Variants in HECW2 observed in about 807,000 individuals in gnomAD.
HECW2 encodes the protein HECT, C2 and WW domain containing E3 ubiquitin protein ligase 2.
HECW2 carries 61 observed loss-of-function variants against 175.2 expected under a neutral mutation model. The observed-to-expected ratio is 0.35, with a 90% CI of 0.28 to 0.43. HECW2 has a LOEUF of 0.43. HECW2 is among the 20% of genes least tolerant of loss of function. The probability of loss-of-function intolerance (pLI) is 1.00; values close to 1 mark genes in which losing one functional copy is unlikely to be tolerated. For missense variants in HECW2, 1,524 were observed against 2,000.5 expected, an observed-to-expected ratio of 0.76 and a Z score of 4.54; for synonymous variants, 671 against 731.0, an observed-to-expected ratio of 0.92 and a Z score of 1.32.
intron 1 of HECW2, among the ~76,000 whole-genome samples, chr2:196,495,219 C>T (rs1414473289): frequency 4.6e-5 from 7 of 152,066 alleles, no homozygotes; most frequent in Non-Finnish European, 4.4e-5. Flanking sequence ...AAGCGTACGC[C>T]ACCACGCCCA....
intron 1 of HECW2, among the ~76,000 whole-genome samples, chr2:196,463,357 C>T (rs1355045584): frequency 4.7e-5 from 7 of 148,752 alleles, no homozygotes; most frequent in South Asian, 2.1e-4. Context: ...AATGTAGATT[C>T]GTCACGCAAG....
At chr2:196,462,600 A>T (rs1260457859) in intron 1 of HECW2, among the ~76,000 whole-genome samples, 1 of 152,190 alleles carries the variant, frequency 6.6e-6, no homozygotes, top group Non-Finnish European at 1.5e-5. Flanking sequence ...CTTTAAGCCC[A>T]CTTATTTACA....
At chr2:196,384,822 T>A (rs564853266) in intron 2 of HECW2, among the ~76,000 whole-genome samples, 1 of 152,344 alleles carries the variant, frequency 6.6e-6, no homozygotes, top group South Asian at 2.1e-4. Context: ...TCCTAAATAC[T>A]TTTATTTAAT....
chr2:196,280,431 G>C (rs1690142871), intron 14 of HECW2, among the ~76,000 whole-genome samples: 1 of 152,126 alleles, frequency 6.6e-6, no homozygotes, highest in African/African-American at 2.4e-5. Context: ...AATGGGGCAG[G>C]TCCCATATAG....
intron 3 of HECW2, among the ~76,000 whole-genome samples, chr2:196,335,217 AT>A (rs1026484115): frequency 2.8e-4 from 42 of 152,260 alleles, no homozygotes; most frequent in Admixed American, 3.3e-4. Flanking sequence ...CATTTCATAC[AT>A]TTTTTTCTGA....
chr2:196,516,395 T>C (rs530713358), intron 1 of HECW2, among the ~76,000 whole-genome samples: 15 of 128,212 alleles, frequency 1.2e-4, no homozygotes, highest in Admixed American at 9.9e-4. Flanking sequence ...TTATATTAAC[T>C]GCCTACACAC....
At position 196,220,929 on chromosome 2, in the gene HECW2, C is replaced by A. The variant is rs1192750808; in HGVS notation, c.4159G>T (p.Glu1387Ter). Residue 1387 changes from glutamate (E) to a stop codon, truncating the protein, a stop_gained, in exon 25 of 29, where the codon GAA (glutamate) becomes TAA (stop). Coordinates refer to ENST00000644978, the MANE Select transcript of HECW2 (RefSeq NM_001348768.2). LOFTEE classifies it high-confidence loss of function. ...EEVFGQITER[E>*]LKPGGANIPV... ...ATATTGGCACCCCCTGGCTTTAATT[C>A]TCGTTCAGTTATCTGAGATTACAAA... The A allele has an allele frequency of 6.2e-7, 1 of 1,613,998 alleles. No homozygotes were observed. The highest frequency in any genetic ancestry group is 8.5e-7 in the Non-Finnish European group (1 of 1,179,902).
chr2:196,398,214 A>C (rs1159724017), intron 2 of HECW2, among the ~76,000 whole-genome samples: 1 of 152,212 alleles, frequency 6.6e-6, no homozygotes, highest in Non-Finnish European at 1.5e-5. Context: ...AATCTTAGCT[A>C]AATGGGAAAG....
intron 1 of HECW2, among the ~76,000 whole-genome samples, chr2:196,585,107 C>A (rs76071017): frequency 0.013 from 2,026 of 152,230 alleles, 45 homozygotes; most frequent in African/African-American, 0.046. Flanking sequence ...TTCACTGTGG[C>A]CTAAGTATAT....
At position 196,319,597 on chromosome 2, in the gene HECW2, C is replaced by T. The variant is rs1531111; in HGVS notation, c.1293G>A (p.Pro431=). 0.8 allele frequency: 1,291,312 copies of T among 1,614,066 alleles called. 522,509 individuals carry two copies. The highest frequency in any genetic ancestry group is 0.98 in the East Asian group (43,822 of 44,882). ...ACCTCTCAGAGCAGGTCGCTGTCCC[C>T]GGCCTGGAGTGGCCATTGTGTTCGA... ...DAIEHNGHSR[P]GTATCSERSM... The change falls in exon 9 of 29, where the codon CCG becomes CCA. Residue 431 remains proline, a synonymous_variant. Coordinates refer to ENST00000644978, the MANE Select transcript of HECW2 (RefSeq NM_001348768.2).
intron 2 of HECW2, among the ~76,000 whole-genome samples, chr2:196,354,756 CT>C (rs35263302): frequency 0.074 from 11,323 of 152,196 alleles, 639 homozygotes; most frequent in African/African-American, 0.16. Context: ...AACTCTGGAT[CT>C]TTATAATAAG....
chr2:196,197,828 C>T lies in HECW2; in HGVS notation c.*3449G>A, dbSNP rs914311257. The T allele has an allele frequency of 6.6e-6, 1 of 152,190 alleles. No homozygotes were observed. The highest frequency in any genetic ancestry group is 2.4e-5 in the African/African-American group (1 of 41,452). The allele number at this position is 152,190 out of a possible 1,614,324, so 9.4% of individuals were successfully genotyped here. ...CCTACAAAGTGCGTGAGGAGCTAAA[C>T]GGACGATGTACCTGACAGCACTTTG... On this transcript the variant is annotated 3_prime_UTR_variant, in exon 29 of 29. Transcript: ENST00000644978.
intron 2 of HECW2, among the ~76,000 whole-genome samples, chr2:196,410,195 G>C (rs1559094399): frequency 6.6e-6 from 1 of 152,176 alleles, no homozygotes; most frequent in African/African-American, 2.4e-5. Flanking sequence ...ACTTAGGGAT[G>C]CAAAGATTTG....
intron 1 of HECW2, among the ~76,000 whole-genome samples, chr2:196,485,895 G>A (rs886521400): frequency 6.6e-6 from 1 of 152,274 alleles, no homozygotes; most frequent in South Asian, 2.1e-4. Flanking sequence ...ATGGTACCAC[G>A]CATCTGTAGT....
At chr2:196,519,721 T>G (rs62184701) in intron 1 of HECW2, among the ~76,000 whole-genome samples, 1,645 of 152,244 alleles carry the variant, frequency 0.011, 14 homozygotes, top group Non-Finnish European at 0.019. Flanking sequence ...GTAATTAGAT[T>G]TAAGGGAAAA....
intron 1 of HECW2, among the ~76,000 whole-genome samples, chr2:196,504,386 G>A (rs911185760): frequency 8.2e-4 from 123 of 149,874 alleles, no homozygotes; most frequent in African/African-American, 3.0e-3. Context: ...CCCAATCAAA[G>A]AGATGCAGTA....
At chr2:196,206,132 CA>C (rs150253545) in intron 28 of HECW2, among the ~76,000 whole-genome samples, 414 of 152,258 alleles carry the variant, frequency 2.7e-3, no homozygotes, top group African/African-American at 9.5e-3. Context: ...ATGTTGGCAG[CA>C]AAAGTGCATC....
intron 1 of HECW2, among the ~76,000 whole-genome samples, chr2:196,561,343 C>A (rs534665927): frequency 2.2e-4 from 33 of 152,266 alleles, no homozygotes; most frequent in Middle Eastern, 3.4e-3. Context: ...GCTCTTGAAC[C>A]CTGTTAAGAT....
Position 196,200,546 on chromosome 2 carries a change from GTGAT to G in HECW2, c.*727_*730del, listed in dbSNP as rs1176180439. On this transcript the variant is annotated 3_prime_UTR_variant, in exon 29 of 29. Coordinates refer to ENST00000644978, the MANE Select transcript of HECW2 (RefSeq NM_001348768.2). ...ACTGTGTACTTTTTCCTGATATGCTGTGATTAATTGCTAGTTATTTTAAAATTGT... is the reference window on the plus strand; with the variant it reads ...ACTGTGTACTTTTTCCTGATATGCTGTAATTGCTAGTTATTTTAAAATTGT... The G allele has an allele frequency of 2.0e-5, 3 of 152,574 alleles. No individual in the cohort carries two copies. Among genetic ancestry groups the G allele is most frequent in the Admixed American group, 6.6e-5 (1 of 15,266 alleles). 9.5% of individuals were successfully genotyped at this position (152,574 alleles called of 1,614,324 possible).
Sources: allele counts gnomAD v4.1 joint callset (sites outside exome capture counted in the v4.1 genomes callset), GRCh38; gene constraint gnomAD v4.1.1; transcripts MANE v1.5; gene names NCBI Gene and HGNC (gene_info 2026-07-23, HGNC 2026-07-21).